PPP3CC: variants seen among roughly 807,000 people sequenced by gnomAD.
PPP3CC encodes protein phosphatase 3 catalytic subunit gamma.
Under a neutral mutation model 60.3 loss-of-function variants are expected in PPP3CC, and 35 were observed. That is an observed-to-expected ratio of 0.58 (90% CI 0.44 to 0.77). The LOEUF (loss-of-function observed/expected upper bound fraction) is 0.77. PPP3CC is among the 30% of genes least tolerant of loss of function. The pLI is 0.00. For synonymous variants in PPP3CC, 206 were observed against 224.3 expected, an observed-to-expected ratio of 0.92 and a Z score of 0.73; for missense variants, 570 against 628.9, an observed-to-expected ratio of 0.91 and a Z score of 1.00.
chr8:22,475,111 G>A lies in PPP3CC; in HGVS notation c.207G>A (p.Arg69=). The change falls in exon 2 of 14, where the codon AGG becomes AGA. Residue 69 remains arginine (R), a synonymous_variant. Coordinates refer to ENST00000240139, the MANE Select transcript of PPP3CC (RefSeq NM_005605.5). ...KIINDGAAIL[R]QEKTMIEVDA... is the part of the protein sequence containing the mutation. Reference sequence around the variant, plus strand: ...TCAATGATGGGGCTGCCATCCTGAGGCAAGAGAAGACTATGATAGAAGTAG... The same window carrying A: ...TCAATGATGGGGCTGCCATCCTGAGACAAGAGAAGACTATGATAGAAGTAG... 1 of 1,613,334 alleles carries A rather than the reference G, an allele frequency of 6.2e-7. No homozygotes were observed. The highest frequency in any genetic ancestry group is 1.7e-4 in the Middle Eastern group (1 of 6,060).
intron 1 of PPP3CC, among the ~76,000 whole-genome samples, chr8:22,460,261 G>A (rs1000859263): frequency 1.3e-5 from 2 of 152,066 alleles, no homozygotes; most frequent in African/African-American, 4.8e-5. Flanking sequence ...TGAAAGATTA[G>A]CAGAATGTTT....
At chr8:22,480,222 T>C (rs138622357) in intron 3 of PPP3CC, among the ~76,000 whole-genome samples, 1 of 152,308 alleles carries the variant, frequency 6.6e-6, no homozygotes, top group East Asian at 1.9e-4. Flanking sequence ...ATAGATAGCA[T>C]TTTAGGATAC....
intron 4 of PPP3CC, among the ~76,000 whole-genome samples, chr8:22,499,701 C>T (rs1176392111): frequency 6.6e-6 from 1 of 152,160 alleles, no homozygotes; most frequent in Non-Finnish European, 1.5e-5. Context: ...GAGATCCTGC[C>T]CCAGGGCATT....
In PPP3CC at chr8:22,499,190, A is replaced by T. The variant is rs543149380; in HGVS notation, c.484+1078A>T. Among the ~76,000 whole-genome samples the T allele has an allele frequency of 2.4e-4, 37 of 151,890 alleles. 1 individual carries two copies. In the East Asian group the frequency reaches 7.0e-3, roughly 29 times the overall value. ...CGCGGTGGCTCACGCCTGTAATCCC[A>T]GCACTTTGGGAGGCCGAGGCGGGTG... On this transcript the variant is annotated intron_variant, in intron 4 of 13. Transcript: ENST00000240139.
In PPP3CC at chr8:22,488,784, G is replaced by T. The variant is rs748432838; in HGVS notation, c.373-9217G>T. Among the ~76,000 whole-genome samples, 133 of 152,226 alleles carry T rather than the reference G, an allele frequency of 8.7e-4. 2 individuals carry two copies. The highest frequency in any genetic ancestry group is 2.4e-4 in the Non-Finnish European group (16 of 68,046). ...AGGCAATTGTTGAACAGAATGACCT[G>T]TGGGAACAAGCTGTGCATAGATCAG... is the stretch of plus-strand genomic sequence containing the variant. On this transcript the variant is annotated intron_variant, in intron 3 of 13. Transcript: ENST00000240139.
At chr8:22,533,991 G>A (rs899653301) in intron 12 of PPP3CC, among the ~76,000 whole-genome samples, 7 of 152,022 alleles carry the variant, frequency 4.6e-5, no homozygotes, top group African/African-American at 1.2e-4. Flanking sequence ...TTGAGGCCAC[G>A]AGTTCAAGAA....
In PPP3CC at chr8:22,533,026, T is replaced by C; in HGVS notation, c.1321+8T>C. The C allele has an allele frequency of 6.4e-7, 1 of 1,567,016 alleles. No individual in the cohort carries two copies. Among genetic ancestry groups the C allele is most frequent in the Non-Finnish European group, 8.7e-7 (1 of 1,149,950 alleles). On this transcript the variant is annotated splice_region_variant and intron_variant, in intron 12 of 13. Transcript: ENST00000240139. ...AGCAGACTATCGAGACAGGTGAGTA[T>C]GAGAGTGCTCCTCCATGGAAGGTGT...
intron 12 of PPP3CC, among the ~76,000 whole-genome samples, chr8:22,534,870 G>A (rs1349116031): frequency 6.6e-6 from 1 of 152,202 alleles, no homozygotes; most frequent in African/African-American, 2.4e-5. Flanking sequence ...AGACATAAAA[G>A]AGCACAGACT....
intron 1 of PPP3CC, among the ~76,000 whole-genome samples, chr8:22,470,920 G>A (rs796948686): frequency 7.9e-5 from 12 of 152,266 alleles, no homozygotes; most frequent in African/African-American, 2.9e-4. Context: ...GAGTGCTTAT[G>A]TCCACCAAAG....
chr8:22,469,377 A>G (rs959689508), intron 1 of PPP3CC, among the ~76,000 whole-genome samples: 4 of 152,124 alleles, frequency 2.6e-5, no homozygotes, highest in Non-Finnish European at 4.4e-5. Context: ...AAGTGAGTTA[A>G]AGGGTACAAA....
intron 3 of PPP3CC, among the ~76,000 whole-genome samples, chr8:22,485,511 T>C (rs1300567777): frequency 6.6e-6 from 1 of 152,124 alleles, no homozygotes; most frequent in Admixed American, 6.5e-5. Flanking sequence ...GGGAGTTCAG[T>C]CCAAGAATGA....
intron 1 of PPP3CC, among the ~76,000 whole-genome samples, chr8:22,467,443 G>T (rs1184028651): frequency 5.3e-5 from 8 of 151,824 alleles, no homozygotes; most frequent in Admixed American, 1.3e-4. Flanking sequence ...TGTGTTTTTT[G>T]TTTGTTTGTT....
chr8:22,512,827 A>C (rs1839126922), intron 5 of PPP3CC, among the ~76,000 whole-genome samples: 1 of 152,250 alleles, frequency 6.6e-6, no homozygotes, highest in Non-Finnish European at 1.5e-5. Context: ...CTGTAATCCC[A>C]GCACTTTGGG....
At chr8:22,501,698 C>A (rs1350934381) in intron 4 of PPP3CC, among the ~76,000 whole-genome samples, 1 of 152,072 alleles carries the variant, frequency 6.6e-6, no homozygotes, top group Non-Finnish European at 1.5e-5. Flanking sequence ...TGGAAAAAAA[C>A]CCTCACTCAG....
At chr8:22,457,063 C>G (rs1257285058) in intron 1 of PPP3CC, among the ~76,000 whole-genome samples, 1 of 125,238 alleles carries the variant, frequency 8.0e-6, no homozygotes, top group Non-Finnish European at 1.7e-5. Flanking sequence ...CCCTCCCTCC[C>G]TCCCTCCCTC....
intron 4 of PPP3CC, among the ~76,000 whole-genome samples, chr8:22,506,403 C>T (rs1277903638): frequency 1.3e-5 from 2 of 152,172 alleles, no homozygotes; most frequent in Non-Finnish European, 2.9e-5. Flanking sequence ...CTCCACTCTT[C>T]ATCTGAAGAT....
At position 22,441,365 on chromosome 8, in the gene PPP3CC, G is replaced by T; in HGVS notation, c.-45G>T. On this transcript the variant is annotated 5_prime_UTR_variant, in exon 1 of 14. Transcript: ENST00000240139. ...AGAAGGCGGCGGCCGCGGCGTAGGC[G>T]CACGTCCGGCGGGCTCCTGGAGCCT... 1 of 1,511,084 alleles carries T rather than the reference G, an allele frequency of 6.6e-7. No individual in the cohort carries two copies. 93.6% of individuals were successfully genotyped at this position (1,511,084 alleles called of 1,614,324 possible).
chr8:22,513,253 T>C, intron 5 of PPP3CC, 40 bp from the exon 6 acceptor site: 1 of 1,592,060 alleles, frequency 6.3e-7, no homozygotes, highest in Non-Finnish European at 8.5e-7. Context: ...AGCCTTTTGC[T>C]CTCCTGATTT....
chr8:22,513,174 C>G (rs1399367844), intron 5 of PPP3CC, 119 bp from the exon 6 acceptor site: 4 of 909,564 alleles, frequency 4.4e-6, no homozygotes, highest in Non-Finnish European at 3.1e-6. Flanking sequence ...TAGGGGCACA[C>G]TGGCTTCTCT....
Sources: gnomAD v4.1 joint callset for allele counts (sites outside exome capture counted in the v4.1 genomes callset) on GRCh38, gnomAD v4.1.1 for gene constraint, MANE v1.5 for transcripts, NCBI Gene and HGNC (gene_info 2026-07-23, HGNC 2026-07-21) for gene names.